The following CDH4 variants were observed in gnomAD, a reference collection of about 807,000 sequenced individuals.
The protein encoded by CDH4 is cadherin-4.
Under a neutral mutation model 86.0 loss-of-function variants are expected in CDH4, and 33 were observed. The ratio of observed to expected loss-of-function variants is 0.38; its 90% CI spans 0.29 to 0.51. CDH4 has a LOEUF of 0.51. Ranked by LOEUF, CDH4 falls within the 20% of genes least tolerant of loss-of-function variation. CDH4 has a pLI of 0.86. For missense variants in CDH4, 1,114 were observed against 1,307.4 expected, an observed-to-expected ratio of 0.85 and a Z score of 2.28; for synonymous variants, 555 against 549.4, an observed-to-expected ratio of 1.01 and a Z score of -0.14.
intron 2 of CDH4, among the ~76,000 whole-genome samples, chr20:61,541,561 A>T (rs2086039545): frequency 6.6e-6 from 1 of 152,222 alleles, no homozygotes; most frequent in Admixed American, 6.5e-5. Context: ...CGTGAGCTGC[A>T]GGTTTGTAAA....
intron 4 of CDH4, among the ~76,000 whole-genome samples, chr20:61,803,954 T>C (rs977680818): frequency 6.6e-6 from 1 of 152,206 alleles, no homozygotes; most frequent in Non-Finnish European, 1.5e-5. Flanking sequence ...GCGGAGGTAA[T>C]GGAAGCAGAA....
At chr20:61,391,234 A>G (rs1167971311) in intron 2 of CDH4, among the ~76,000 whole-genome samples, 1 of 152,032 alleles carries the variant, frequency 6.6e-6, no homozygotes, top group African/African-American at 2.4e-5. Context: ...AATTTACTCA[A>G]GTGGACAGAA....
At chr20:61,646,706 C>T (rs1260604390) in intron 2 of CDH4, among the ~76,000 whole-genome samples, 1 of 152,258 alleles carries the variant, frequency 6.6e-6, no homozygotes, top group Admixed American at 6.5e-5. Context: ...GCTCGCCTGC[C>T]TCCCTGAGTC....
At chr20:61,288,020 G>A (rs568688699) in intron 2 of CDH4, among the ~76,000 whole-genome samples, 1 of 152,316 alleles carries the variant, frequency 6.6e-6, no homozygotes, top group Non-Finnish European at 1.5e-5. Flanking sequence ...CAGCACGAAA[G>A]GAAACGACAG....
intron 2 of CDH4, among the ~76,000 whole-genome samples, chr20:61,649,750 C>T (rs2087102237): frequency 6.6e-6 from 1 of 152,214 alleles, no homozygotes; most frequent in African/African-American, 2.4e-5. Context: ...GCAAGAAGAG[C>T]ATGGCGGGCC....
intron 2 of CDH4, among the ~76,000 whole-genome samples, chr20:61,701,528 C>T (rs2087775934): frequency 6.6e-6 from 1 of 152,222 alleles, no homozygotes; most frequent in Non-Finnish European, 1.5e-5. Flanking sequence ...ACATGCCCAT[C>T]CTCACTGGGT....
chr20:61,886,916 G>T (rs908582170), intron 7 of CDH4, among the ~76,000 whole-genome samples: 3 of 152,140 alleles, frequency 2.0e-5, no homozygotes, highest in Admixed American at 2.0e-4. Context: ...CCCCTTGCCC[G>T]CCTCACAGGA....
intron 2 of CDH4, among the ~76,000 whole-genome samples, chr20:61,699,767 G>A (rs1363532000): frequency 2.1e-5 from 3 of 140,638 alleles, no homozygotes; most frequent in East Asian, 1.9e-4. Context: ...CTTTCACCGC[G>A]GACCCGGGGC....
At chr20:61,402,779 C>T (rs1393679713) in intron 2 of CDH4, among the ~76,000 whole-genome samples, 3 of 152,234 alleles carry the variant, frequency 2.0e-5, no homozygotes, top group African/African-American at 4.8e-5. Context: ...TGACTATCTA[C>T]ATAGCATCTT....
At chr20:61,270,484 T>C (rs1210453903) in intron 2 of CDH4, among the ~76,000 whole-genome samples, 1 of 152,234 alleles carries the variant, frequency 6.6e-6, no homozygotes, top group Non-Finnish European at 1.5e-5. Flanking sequence ...CGTAAAATTA[T>C]AGAACTTATG....
chr20:61,581,937 G>A (rs997688119), intron 2 of CDH4, among the ~76,000 whole-genome samples: 6 of 152,152 alleles, frequency 3.9e-5, no homozygotes, highest in African/African-American at 1.2e-4. Context: ...GCACCTCCTC[G>A]GCCCTGGCTG....
At chr20:61,710,942 T>C (rs2145898361) in intron 2 of CDH4, among the ~76,000 whole-genome samples, 1 of 152,284 alleles carries the variant, frequency 6.6e-6, no homozygotes, top group Admixed American at 6.5e-5. Flanking sequence ...CTCAGTGGCC[T>C]GAACATCATA....
At chr20:61,573,072 A>ATG (rs1568692606) in intron 2 of CDH4, among the ~76,000 whole-genome samples, 10 of 116,720 alleles carry the variant, frequency 8.6e-5, no homozygotes, top group African/African-American at 3.3e-4. Flanking sequence ...ATGGATGGAT[A>ATG]GATGGTTGGA....
chr20:61,792,666 T>C (rs1979266087), intron 4 of CDH4, among the ~76,000 whole-genome samples: 1 of 151,596 alleles, frequency 6.6e-6, no homozygotes. Flanking sequence ...GTATTTTTTT[T>C]TGAGATGGGG....
At chr20:61,622,575 G>T (rs2086787375) in intron 2 of CDH4, among the ~76,000 whole-genome samples, 1 of 152,276 alleles carries the variant, frequency 6.6e-6, no homozygotes, top group Non-Finnish European at 1.5e-5. Context: ...GCCTCCTGCT[G>T]CACATGGCCC....
chr20:61,794,700 G>A (rs1212290855), intron 4 of CDH4, among the ~76,000 whole-genome samples: 1 of 152,162 alleles, frequency 6.6e-6, no homozygotes, highest in Non-Finnish European at 1.5e-5. Context: ...ACCACCTATG[G>A]CTGGTCCCAT....
intron 2 of CDH4, among the ~76,000 whole-genome samples, chr20:61,655,053 C>A (rs988482093): frequency 6.6e-6 from 1 of 152,266 alleles, no homozygotes; most frequent in Non-Finnish European, 1.5e-5. Context: ...GTGTCTTCAT[C>A]TGAGTCAAGT....
intron 2 of CDH4, among the ~76,000 whole-genome samples, chr20:61,742,030 G>T (rs2088345789): frequency 6.6e-6 from 1 of 152,138 alleles, no homozygotes; most frequent in Admixed American, 6.5e-5. Context: ...ACAATCAGAT[G>T]TCAGAAATGA....
At chr20:61,291,196 G>A (rs189250260) in intron 2 of CDH4, among the ~76,000 whole-genome samples, 5 of 152,318 alleles carry the variant, frequency 3.3e-5, no homozygotes, top group African/African-American at 1.2e-4. Context: ...ACACCTTGTA[G>A]TGAGTTGAAT....
Sources: allele counts gnomAD v4.1 joint callset (sites outside exome capture counted in the v4.1 genomes callset), GRCh38; gene constraint gnomAD v4.1.1; transcripts MANE v1.5; gene names NCBI Gene and HGNC (gene_info 2026-07-23, HGNC 2026-07-21).